The following CTTNBP2 variants were observed in gnomAD, a reference collection of about 807,000 sequenced individuals.
The protein encoded by CTTNBP2 is cortactin binding protein 2.
A neutral mutation model predicts 156.9 loss-of-function variants in CTTNBP2; 108 were observed. That is an observed-to-expected ratio of 0.69 (90% confidence interval 0.59 to 0.81). The LOEUF (loss-of-function observed/expected upper bound fraction) is 0.81, where lower values mean the gene tolerates loss of function less well. Among genes scored for constraint, CTTNBP2 ranks in the 30% least tolerant of loss-of-function variants. The pLI is 0.00. For missense variants in CTTNBP2, 1,924 were observed against 2,035.4 expected, an observed-to-expected ratio of 0.95 and a Z score of 1.05; for synonymous variants, 767 against 751.8, an observed-to-expected ratio of 1.02 and a Z score of -0.33.
chr7:117,799,519 C>T (rs895580333), intron 3 of CTTNBP2, among the ~76,000 whole-genome samples: 16 of 151,432 alleles, frequency 1.1e-4, no homozygotes, highest in African/African-American at 3.9e-4. Context: ...AGATAAAGAG[C>T]ATCTATGAAA....
chr7:117,863,527 A>G (rs1389913594), intron 1 of CTTNBP2, among the ~76,000 whole-genome samples: 1 of 152,242 alleles, frequency 6.6e-6, no homozygotes, highest in Admixed American at 6.5e-5. Flanking sequence ...ACCCCTGGAA[A>G]TTGTGATTCA....
At chr7:117,828,809 G>A (rs1406141544) in intron 2 of CTTNBP2, among the ~76,000 whole-genome samples, 5 of 152,106 alleles carry the variant, frequency 3.3e-5, no homozygotes, top group Admixed American at 6.5e-5. Context: ...ATTATGTTGG[G>A]CATTTGGGGG....
At chr7:117,808,684 G>C (rs1800088188) in intron 3 of CTTNBP2, among the ~76,000 whole-genome samples, 1 of 152,186 alleles carries the variant, frequency 6.6e-6, no homozygotes, top group Non-Finnish European at 1.5e-5. Flanking sequence ...GTGATTTAAA[G>C]AACTGAACTC....
At chr7:117,728,424 T>C (rs1404400276) in intron 16 of CTTNBP2, among the ~76,000 whole-genome samples, 157 bp from the exon 17 acceptor site, 2 of 152,212 alleles carry the variant, frequency 1.3e-5, no homozygotes, top group Non-Finnish European at 2.9e-5. Context: ...TAATAACACA[T>C]ACTATAGTTG....
At chr7:117,741,150 T>C (rs979653038) in intron 14 of CTTNBP2, among the ~76,000 whole-genome samples, 1 of 152,036 alleles carries the variant, frequency 6.6e-6, no homozygotes, top group Non-Finnish European at 1.5e-5. Flanking sequence ...AGAGGAAATA[T>C]GAAAGGTTAA....
At position 117,724,648 on chromosome 7, in the gene CTTNBP2, T is replaced by C. The variant is rs754637628; in HGVS notation, c.4346A>G (p.Lys1449Arg). The change falls in exon 19 of 23, where the codon AAA (lysine) becomes AGA (arginine). Residue 1449 changes from lysine to arginine, a missense_variant. Coordinates refer to ENST00000160373, the MANE Select transcript of CTTNBP2 (RefSeq NM_033427.3). ...CTTTCTCCAGGCACCACTCTCTCCT[T>C]TCTTCTTGTTACAAGTGTTATAACT... Reference protein sequence around the residue: ...VSSYNTCNKKKGESGAWRKVN... With the variant: ...VSSYNTCNKKRGESGAWRKVN... 3.1e-6 allele frequency: 5 copies of C among 1,614,048 alleles called. No individual in the cohort carries two copies. The Admixed American group carries it at 6.7e-5, about 22-fold the overall frequency.
At chr7:117,782,075 G>A (rs1422470974) in intron 6 of CTTNBP2, among the ~76,000 whole-genome samples, 1 of 152,048 alleles carries the variant, frequency 6.6e-6, no homozygotes, top group Non-Finnish European at 1.5e-5. Flanking sequence ...ATAACATGGG[G>A]TCAACCTTAA....
intron 4 of CTTNBP2, among the ~76,000 whole-genome samples, chr7:117,788,137 G>A (rs1798802068): frequency 6.6e-6 from 1 of 152,024 alleles, no homozygotes; most frequent in African/African-American, 2.4e-5. Flanking sequence ...ACCATGCCCA[G>A]CTAATTTTTA....
rs1351065637 is a variant in CTTNBP2, at chr7:117,720,975, T to C, written c.4511+92A>G. ...TAAAACCATATTAACATAATAGTCA[T>C]TCAAATGAGAACATGGAACATTTAA... is the stretch of plus-strand genomic sequence containing the variant. On this transcript the variant is annotated intron_variant, in intron 20 of 22. Coordinates refer to ENST00000160373, the MANE Select transcript of CTTNBP2 (RefSeq NM_033427.3). The C allele has an allele frequency of 3.7e-6, 3 of 820,832 alleles. No homozygotes were observed. The East Asian group carries it at 7.3e-5, about 20-fold the overall frequency. The allele number at this position is 820,832 out of a possible 1,614,324, so 50.8% of individuals were successfully genotyped here. A position where few individuals can be genotyped will look rare whatever the true frequency, so the allele number is the denominator to read the frequency against.
At chr7:117,744,299 A>G (rs1796193415) in intron 14 of CTTNBP2, among the ~76,000 whole-genome samples, 1 of 152,012 alleles carries the variant, frequency 6.6e-6, no homozygotes, top group Non-Finnish European at 1.5e-5. Context: ...TTCAGAACCC[A>G]TTAACCACCC....
intron 21 of CTTNBP2, 105 bp from the exon 22 acceptor site, chr7:117,718,224 C>A: frequency 2.9e-6 from 2 of 678,590 alleles, no homozygotes; most frequent in East Asian, 5.5e-5. Flanking sequence ...TTACTCTTAT[C>A]CTCTTCCCTG....
intron 2 of CTTNBP2, among the ~76,000 whole-genome samples, chr7:117,826,826 CATTATTATTATTATTATTATTATTATT>C (rs71984775): frequency 3.6e-5 from 5 of 140,250 alleles, no homozygotes; most frequent in African/African-American, 1.0e-4. Context: ...TTCTACTGAG[CATTATTATTATTATTATTATTATTATT>C]ATTATTATTA....
intron 8 of CTTNBP2, among the ~76,000 whole-genome samples, chr7:117,774,268 G>C (rs1359724193): frequency 6.6e-6 from 1 of 152,018 alleles, no homozygotes; most frequent in Non-Finnish European, 1.5e-5. Context: ...GACAGATTTG[G>C]GAATTTGATC....
At chr7:117,795,589 A>C (rs1383629686) in intron 3 of CTTNBP2, among the ~76,000 whole-genome samples, 1 of 152,194 alleles carries the variant, frequency 6.6e-6, no homozygotes, top group African/African-American at 2.4e-5. Flanking sequence ...TACCTGTCTC[A>C]GGTTTTTCTC....
At chr7:117,790,931 T>C (rs1279654559) in intron 4 of CTTNBP2, among the ~76,000 whole-genome samples, 197 bp downstream of exon 4, 1 of 151,376 alleles carries the variant, frequency 6.6e-6, no homozygotes. Context: ...GAAACCGCAA[T>C]TCATATAGCA....
chr7:117,717,250 T>TCAGACTTATTTTTAAAGTCTCATTG (rs1794455517), intron 22 of CTTNBP2, among the ~76,000 whole-genome samples: 3 of 152,190 alleles, frequency 2.0e-5, no homozygotes, highest in Non-Finnish European at 2.9e-5. Flanking sequence ...TAGTTGCCAT[T>TCAGACTTATTTTTAAAGTCTCATTG]CAGACTTATT....
intron 2 of CTTNBP2, among the ~76,000 whole-genome samples, chr7:117,831,135 C>T (rs1406569445): frequency 6.6e-6 from 1 of 152,198 alleles, no homozygotes; most frequent in Non-Finnish European, 1.5e-5. Flanking sequence ...CCCTCATTCA[C>T]CAACAACTCT....
rs548129039 is a variant in CTTNBP2, at chr7:117,716,664, C to CA, written c.4746+1353dup. Among the ~76,000 whole-genome samples the CA allele has an allele frequency of 1.6e-4, 25 of 151,990 alleles. No individual in the cohort carries two copies. In the East Asian group the frequency reaches 4.1e-3, roughly 25 times the overall value. ...GGCTTCTAAATTGTTCCCAGTTGAA[C>CA]AAAAAAAGGCAGACATTATGATAGA... On this transcript the variant is annotated intron_variant, in intron 22 of 22. Transcript: ENST00000160373.
At chr7:117,764,342 A>G (rs933998369) in intron 9 of CTTNBP2, among the ~76,000 whole-genome samples, 1 of 152,146 alleles carries the variant, frequency 6.6e-6, no homozygotes, top group Admixed American at 6.5e-5. Flanking sequence ...CTGCAGATAC[A>G]GCTAAATACC....
Sources: allele counts gnomAD v4.1 joint callset (sites outside exome capture counted in the v4.1 genomes callset), GRCh38; gene constraint gnomAD v4.1.1; transcripts MANE v1.5; gene names NCBI Gene and HGNC (gene_info 2026-07-23, HGNC 2026-07-21).